Variants in RASA2 observed in about 807,000 individuals in gnomAD.
RASA2 encodes ras GTPase-activating protein 2.
In RASA2, 155 loss-of-function variants were observed where a neutral mutation model predicts 118.2. The observed-to-expected ratio is 1.31, with a 90% CI of 1.15 to 1.50. RASA2 has a LOEUF of 1.50. RASA2 is among the 40% of genes most tolerant of loss of function. The pLI, the probability that RASA2 is intolerant of heterozygous loss-of-function variation, is 0.00. For missense variants in RASA2, 1,016 were observed against 1,009.6 expected, an observed-to-expected ratio of 1.01 and a Z score of -0.09; for synonymous variants, 353 against 349.1, an observed-to-expected ratio of 1.01 and a Z score of -0.12.
chr3:141,587,628 C>T (rs1328690096), intron 19 of RASA2, among the ~76,000 whole-genome samples: 1 of 150,480 alleles, frequency 6.6e-6, no homozygotes, highest in Non-Finnish European at 1.5e-5. Flanking sequence ...GCAGGAGAAT[C>T]GCTTGAACCC....
At chr3:141,510,904 G>T (rs557001472) in intron 1 of RASA2, among the ~76,000 whole-genome samples, 9 of 152,270 alleles carry the variant, frequency 5.9e-5, no homozygotes, top group African/African-American at 2.2e-4. Flanking sequence ...AGGAGAGTGA[G>T]TGAGTAACCT....
At chr3:141,495,684 A>G (rs891437466) in intron 1 of RASA2, among the ~76,000 whole-genome samples, 3 of 152,340 alleles carry the variant, frequency 2.0e-5, no homozygotes, top group Non-Finnish European at 4.4e-5. Flanking sequence ...TTAAATGTCT[A>G]TACACCATGC....
intron 4 of RASA2, among the ~76,000 whole-genome samples, chr3:141,539,551 G>T (rs549307696): frequency 1.3e-5 from 2 of 152,246 alleles, no homozygotes; most frequent in South Asian, 2.1e-4. Flanking sequence ...GAGGAACAGT[G>T]ACTAGATAAT....
intron 1 of RASA2, among the ~76,000 whole-genome samples, chr3:141,496,750 A>G (rs924998916): frequency 7.2e-5 from 11 of 152,232 alleles, no homozygotes; most frequent in African/African-American, 2.7e-4. Context: ...TGTGGAAGTC[A>G]GTGTGGCGAT....
At chr3:141,548,453 C>A (rs60654199) in intron 5 of RASA2, among the ~76,000 whole-genome samples, 19,535 of 151,814 alleles carry the variant, frequency 0.13, 1,781 homozygotes, top group East Asian at 0.24. Context: ...CTAGGTTTTT[C>A]CATTTATTCT....
At chr3:141,582,065 A>G (rs2107771488) in intron 17 of RASA2, among the ~76,000 whole-genome samples, 1 of 152,348 alleles carries the variant, frequency 6.6e-6, no homozygotes, top group East Asian at 1.9e-4. Context: ...TATTTTATGT[A>G]TCACAGTCTT....
rs538984348 is a variant in RASA2, at chr3:141,517,063, C to T, written c.355+632C>T. ...AGGATTACAGGCATGAGCCACCACG[C>T]CTGGCCGGGCAGGGACTCTTTCTTA... On this transcript the variant is annotated intron_variant, in intron 3 of 23. Transcript: ENST00000286364. Among the ~76,000 whole-genome samples the T allele has an allele frequency of 2.0e-5, 3 of 150,972 alleles. No individual in the cohort carries two copies. In the East Asian group the frequency reaches 5.9e-4, roughly 30 times the overall value.
intron 17 of RASA2, among the ~76,000 whole-genome samples, 175 bp downstream of exon 17, chr3:141,581,352 T>G (rs2107770752): frequency 6.6e-6 from 1 of 152,338 alleles, no homozygotes; most frequent in South Asian, 2.1e-4. Context: ...TTTTCAGCTT[T>G]GAAAATACCT....
At position 141,612,331 on chromosome 3, in the gene RASA2, C is replaced by G; in HGVS notation, c.*18C>G. ...CATCTTAGAGTTTAACAGATTGGTT[C>G]AGAAGAACTGGAAAATATTATTTTT... is the stretch of plus-strand genomic sequence containing the variant. On this transcript the variant is annotated 3_prime_UTR_variant, in exon 24 of 24. Coordinates refer to ENST00000286364, the MANE Select transcript of RASA2 (RefSeq NM_006506.5). The G allele has an allele frequency of 6.4e-7, 1 of 1,561,930 alleles. No individual in the cohort carries two copies. The highest frequency in any genetic ancestry group is 1.8e-5 in the Admixed American group (1 of 54,748).
rs917974797 is a variant in RASA2 at position 141,487,110 on chromosome 3, G to A, written c.27G>A (p.Ala9=). 5.0e-6 allele frequency: 7 copies of A among 1,411,068 alleles called. No homozygotes were observed. The highest frequency in any genetic ancestry group is 4.5e-5 in the African/African-American group (3 of 67,118). The allele number at this position is 1,411,068 out of a possible 1,614,324, so 87.4% of individuals were successfully genotyped here. Residue 9 remains alanine (A), a synonymous_variant, in exon 1 of 24, where the codon GCG becomes GCA. Coordinates refer to ENST00000286364, the MANE Select transcript of RASA2 (RefSeq NM_006506.5). MAAAAPAA[A]AASSEAPAAS... ...TGGCGGCGGCGGCGCCTGCTGCTGCGGCGGCTTCTTCCGAGGCGCCAGCGG... is the reference window on the plus strand; with the variant it reads ...TGGCGGCGGCGGCGCCTGCTGCTGCAGCGGCTTCTTCCGAGGCGCCAGCGG...
chr3:141,533,232 C>T (rs2082283375), intron 4 of RASA2, among the ~76,000 whole-genome samples: 1 of 152,114 alleles, frequency 6.6e-6, no homozygotes, highest in Admixed American at 6.6e-5. Context: ...CTACTTCAAT[C>T]TAATTTGATA....
intron 17 of RASA2, among the ~76,000 whole-genome samples, chr3:141,585,209 C>G (rs1031590190): frequency 1.3e-5 from 2 of 152,090 alleles, no homozygotes; most frequent in Non-Finnish European, 2.9e-5. Context: ...AAAAGGTAAT[C>G]AGTATATACT....
In RASA2 at chr3:141,516,426, G is replaced by A. The variant is rs752928043; in HGVS notation, c.350G>A (p.Arg117His). 43 of 1,523,520 alleles carry A rather than the reference G, an allele frequency of 2.8e-5. No homozygotes were observed. Among genetic ancestry groups the A allele is most frequent in the Middle Eastern group, 1.8e-4 (1 of 5,710 alleles). The allele number at this position is 1,523,520 out of a possible 1,614,324, so 94.4% of individuals were successfully genotyped here. A position where few individuals can be genotyped will look rare whatever the true frequency, so the allele number is the denominator to read the frequency against. ...YDKNVLQRDL[R>H]IGKVAIKKED... ...AAGAATGTTTTACAAAGAGATCTCC[G>A]TATAGGTATGTACTATTCATAATTA... The change falls in exon 3 of 24, where the codon CGT (arginine) becomes CAT (histidine). Residue 117 changes from arginine to histidine, a missense_variant. By Grantham distance (29) the Arg-to-His change is conservative. This residue lies in a region of RASA2 where 896 missense variants were observed against 836.4 expected (regional missense o/e 1.07). Transcript: ENST00000286364.
At chr3:141,490,335 C>CAAA (rs3075070) in intron 1 of RASA2, among the ~76,000 whole-genome samples, 7 of 93,712 alleles carry the variant, frequency 7.5e-5, no homozygotes, top group Non-Finnish European at 1.1e-4. Context: ...CTCCTCCCCT[C>CAAA]AAAAAAAAAA....
At chr3:141,601,366 C>T (rs1254166360) in intron 19 of RASA2, among the ~76,000 whole-genome samples, 1 of 151,648 alleles carries the variant, frequency 6.6e-6, no homozygotes, top group African/African-American at 2.4e-5. Context: ...ACTCGGGAGG[C>T]AGAAGTTGCT....
intron 3 of RASA2, among the ~76,000 whole-genome samples, chr3:141,528,611 T>C (rs576537140): frequency 1.3e-5 from 2 of 151,986 alleles, no homozygotes; most frequent in East Asian, 3.9e-4. Context: ...GTGTATGGTG[T>C]GGTGGGGGCC....
intron 18 of RASA2, 146 bp downstream of exon 18, chr3:141,586,244 C>A: frequency 1.5e-6 from 1 of 670,936 alleles, no homozygotes; most frequent in Non-Finnish European, 2.4e-6. Flanking sequence ...GTCGCCTTTA[C>A]TGTCCTACAA....
Position 141,528,507 on chromosome 3 carries a change from TTC to T in RASA2, c.356-1197_356-1196del, listed in dbSNP as rs576189107. On this transcript the variant is annotated intron_variant, in intron 3 of 23. Coordinates refer to ENST00000286364, the MANE Select transcript of RASA2 (RefSeq NM_006506.5). ...TTTTAGTGTACGGTTCTTGTAACTTTTCTCTGTTTGAAATTATTTCAAAATAC... is the reference window on the plus strand; with the variant it reads ...TTTTAGTGTACGGTTCTTGTAACTTTTCTGTTTGAAATTATTTCAAAATAC... Among the ~76,000 whole-genome samples the T allele has an allele frequency of 3.1e-3, 472 of 152,086 alleles. 2 individuals are homozygous for T. The highest frequency in any genetic ancestry group is 6.8e-3 in the Middle Eastern group (2 of 294).
intron 2 of RASA2, among the ~76,000 whole-genome samples, chr3:141,515,332 A>G (rs2082007093): frequency 6.6e-6 from 1 of 152,146 alleles, no homozygotes. Context: ...ACAGCTTTAC[A>G]CATTTCTAAG....
Sources: gnomAD v4.1 joint callset for allele counts (sites outside exome capture counted in the v4.1 genomes callset) on GRCh38, gnomAD v4.1.1 for gene constraint, gnomAD v4.1.1 regional missense constraint, MANE v1.5 for transcripts, NCBI Gene and HGNC (gene_info 2026-07-23, HGNC 2026-07-21) for gene names.